Variants in RYK observed in about 807,000 individuals in gnomAD.
RYK encodes the protein inactive tyrosine-protein kinase RYK.
In RYK, 21 loss-of-function variants were observed where a neutral mutation model predicts 70.2. The observed-to-expected ratio is 0.30, with a 90% CI of 0.21 to 0.43. The LOEUF (loss-of-function observed/expected upper bound fraction) is 0.43, where lower values mean the gene tolerates loss of function less well. Ranked by LOEUF, RYK falls within the 20% of genes least tolerant of loss-of-function variation. The probability of loss-of-function intolerance (pLI) is 1.00; values close to 1 mark genes in which losing one functional copy is unlikely to be tolerated. For missense variants in RYK, 604 were observed against 753.3 expected, an observed-to-expected ratio of 0.80 and a Z score of 2.32; for synonymous variants, 267 against 278.0, an observed-to-expected ratio of 0.96 and a Z score of 0.39.
chr3:134,240,587 T>C (rs1313063317), intron 1 of RYK, among the ~76,000 whole-genome samples: 2 of 152,180 alleles, frequency 1.3e-5, no homozygotes, highest in Middle Eastern at 3.2e-3. Flanking sequence ...TGAATCTTAA[T>C]ATATGCAAAT....
At position 134,182,984 on chromosome 3, in the gene RYK, G is replaced by A. The variant is rs548940715; in HGVS notation, c.1172+18C>T. ...TTGCCATGCTCAACACTGAAATGCT[G>A]GTGGTTTCTCCTCTCACCTGTGATG... On this transcript the variant is annotated intron_variant, in intron 10 of 14. Transcript: ENST00000623711. 1.3e-6 allele frequency: 2 copies of A among 1,537,524 alleles called. No individual in the cohort carries two copies. The highest frequency in any genetic ancestry group is 1.8e-5 in the Admixed American group (1 of 54,338).
chr3:134,174,641 A>C (rs2013033912), intron 13 of RYK, among the ~76,000 whole-genome samples: 1 of 152,226 alleles, frequency 6.6e-6, no homozygotes, highest in Non-Finnish European at 1.5e-5. Context: ...AACAATAATA[A>C]AGTCTAACAG....
intron 1 of RYK, among the ~76,000 whole-genome samples, chr3:134,226,508 T>A (rs149977957): frequency 6.6e-5 from 10 of 152,184 alleles, no homozygotes; most frequent in African/African-American, 2.2e-4. Context: ...GCCAGCAGCA[T>A]CATATTGATA....
At chr3:134,195,249 C>G in intron 6 of RYK, 67 bp from the exon 7 acceptor site, 3 of 1,139,610 alleles carry the variant, frequency 2.6e-6, no homozygotes, top group Non-Finnish European at 3.9e-6. Context: ...TTTTTCCATA[C>G]ATACAAAATG....
At chr3:134,248,974 G>C (rs1559770379) in intron 1 of RYK, among the ~76,000 whole-genome samples, 1 of 152,040 alleles carries the variant, frequency 6.6e-6, no homozygotes, top group Non-Finnish European at 1.5e-5. Flanking sequence ...GTCCCTGGTT[G>C]TCTTCTGTCT....
Position 134,209,683 on chromosome 3 carries a change from TA to T in RYK, c.589+11del. 4.2e-6 allele frequency: 6 copies of T among 1,440,582 alleles called. No homozygotes were observed. The highest frequency in any genetic ancestry group is 5.5e-6 in the Non-Finnish European group (6 of 1,086,614). The allele number at this position is 1,440,582 out of a possible 1,614,324, so 89.2% of individuals were successfully genotyped here. ...TACATGTAAAACATATTTTGGTAAA[TA>T]AATTCCTTACTTTTGTAGCACATTT... On this transcript the variant is annotated intron_variant, in intron 4 of 14. Transcript: ENST00000623711.
At position 134,175,926 on chromosome 3, in the gene RYK, C is replaced by A. The variant is rs746039220; in HGVS notation, c.1415+4G>T. On this transcript the variant is annotated splice_donor_region_variant and intron_variant, in intron 12 of 14. Coordinates refer to ENST00000623711, the MANE Select transcript of RYK (RefSeq NM_002958.4). Reference sequence around the variant, plus strand: ...AGTGACAGCGTCAAGCTCATGGCACCTACACACAGTTCCTGGCAGCCAGGT... The same window carrying A: ...AGTGACAGCGTCAAGCTCATGGCACATACACACAGTTCCTGGCAGCCAGGT... 6 of 1,600,148 alleles carry A rather than the reference C, an allele frequency of 3.7e-6. No homozygotes were observed. Among genetic ancestry groups the A allele is most frequent in the East Asian group, 2.2e-5 (1 of 44,674 alleles).
chr3:134,212,386 C>A lies in RYK; in HGVS notation c.355-779G>T, dbSNP rs190851984. On this transcript the variant is annotated intron_variant, in intron 2 of 14. Coordinates refer to ENST00000623711, the MANE Select transcript of RYK (RefSeq NM_002958.4). ...AGCTGAAATTCAGAATGGCTGCCAGCATCAAGACTTTCAATGAAGCCCTAC... is the reference window on the plus strand; with the variant it reads ...AGCTGAAATTCAGAATGGCTGCCAGAATCAAGACTTTCAATGAAGCCCTAC... 8.9e-4 allele frequency among the ~76,000 whole-genome samples: 136 copies of A among 152,314 alleles called. 1 individual carries two copies. Among genetic ancestry groups the A allele is most frequent in the Middle Eastern group, 3.4e-3 (1 of 294 alleles).
chr3:134,207,368 T>A (rs1250768040), intron 5 of RYK, 104 bp downstream of exon 5: 1 of 591,180 alleles, frequency 1.7e-6, no homozygotes, highest in African/African-American at 1.9e-5. Context: ...GGTGTCATTA[T>A]CATTTGATAC....
intron 2 of RYK, among the ~76,000 whole-genome samples, chr3:134,214,219 T>C (rs1245997081): frequency 6.6e-6 from 1 of 152,194 alleles, no homozygotes; most frequent in East Asian, 1.9e-4. Context: ...GGCTTCAATA[T>C]TCAGTATTCA....
intron 2 of RYK, among the ~76,000 whole-genome samples, chr3:134,218,618 A>G (rs990613719): frequency 6.6e-6 from 1 of 152,176 alleles, no homozygotes; most frequent in Non-Finnish European, 1.5e-5. Flanking sequence ...TCCAAGACAG[A>G]CAAAAATGAC....
chr3:134,159,691 T>C (rs1220584336), intron 13 of RYK, among the ~76,000 whole-genome samples: 2 of 152,228 alleles, frequency 1.3e-5, no homozygotes, highest in African/African-American at 4.8e-5. Context: ...TTAAATATTA[T>C]AGCTAGTCTG....
chr3:134,245,818 A>G (rs1294800994), intron 1 of RYK, among the ~76,000 whole-genome samples: 1 of 152,158 alleles, frequency 6.6e-6, no homozygotes, highest in East Asian at 1.9e-4. Context: ...CGAGATGTAA[A>G]GGTGTTGATA....
Position 134,250,523 on chromosome 3 carries a change from A to G in RYK, c.132T>C (p.Ala44=). 3.3e-6 allele frequency: 4 copies of G among 1,215,068 alleles called. No individual in the cohort carries two copies. The highest frequency in any genetic ancestry group is 4.1e-6 in the Non-Finnish European group (4 of 971,494). 75.3% of individuals were successfully genotyped at this position (1,215,068 alleles called of 1,614,324 possible). Residue 44 remains alanine (A), a synonymous_variant, in exon 1 of 15, where the codon GCT becomes GCC. Transcript: ENST00000623711. ...GGGGCCGCGGGGCGGGGGCGGCGGC[A>G]GCGCCAGGCGCGGGCAGCAGCGGCA... ...ALLPLLPAPG[A]AAAPAPRPPE... is the part of the protein sequence containing the mutation.
chr3:134,168,076 A>ATC (rs1235710403), intron 13 of RYK, among the ~76,000 whole-genome samples: 3 of 152,220 alleles, frequency 2.0e-5, no homozygotes, highest in Non-Finnish European at 4.4e-5. Context: ...ATGAGATACC[A>ATC]TCTCACACCA....
chr3:134,211,644 G>T, intron 2 of RYK, 37 bp from the exon 3 acceptor site: 1 of 1,406,162 alleles, frequency 7.1e-7, no homozygotes. Context: ...ATGGACCTGT[G>T]ATAACAAGAA....
chr3:134,158,898 T>A (rs992434845), intron 14 of RYK, among the ~76,000 whole-genome samples: 3 of 152,220 alleles, frequency 2.0e-5, no homozygotes, highest in Non-Finnish European at 2.9e-5. Context: ...AACTACTATG[T>A]CCTTTATAAC....
At chr3:134,218,345 C>T (rs190727828) in intron 2 of RYK, among the ~76,000 whole-genome samples, 1 of 152,264 alleles carries the variant, frequency 6.6e-6, no homozygotes, top group Admixed American at 6.5e-5. Flanking sequence ...ATACCAAGCA[C>T]AGAGGATACC....
chr3:134,159,386 C>CAGA lies in RYK; in HGVS notation c.1576-16_1576-14dup. 2.5e-6 allele frequency: 4 copies of CAGA among 1,582,594 alleles called. No homozygotes were observed. The South Asian group carries it at 3.5e-5, about 14-fold the overall frequency. ...CTCCAAAGGCCCACTAGTAAAGGAG[C>CAGA]AGAAGCACAATGAGGGGACATTTAA... On this transcript the variant is annotated splice_polypyrimidine_tract_variant and intron_variant, in intron 13 of 14. Coordinates refer to ENST00000623711, the MANE Select transcript of RYK (RefSeq NM_002958.4).
Sources: allele counts gnomAD v4.1 joint callset (sites outside exome capture counted in the v4.1 genomes callset), GRCh38; gene constraint gnomAD v4.1.1; transcripts MANE v1.5; gene names NCBI Gene and HGNC (gene_info 2026-07-23, HGNC 2026-07-21).